Variants in KIF21A observed in about 807,000 individuals in gnomAD.
KIF21A encodes kinesin family member 21A.
A neutral mutation model predicts 202.9 loss-of-function variants in KIF21A; 114 were observed. That is an observed-to-expected ratio of 0.56 (90% CI 0.48 to 0.66). KIF21A has a LOEUF of 0.66. Ranked by LOEUF, KIF21A falls within the 30% of genes least tolerant of loss-of-function variation. The probability of loss-of-function intolerance (pLI) is 0.00; values close to 1 mark genes in which losing one functional copy is unlikely to be tolerated. For synonymous variants in KIF21A, 667 were observed against 670.8 expected (o/e 0.99, Z 0.09); for missense variants, 1,677 against 1,994.9 (o/e 0.84, Z 3.04).
chr12:39,332,624 G>T lies in KIF21A; in HGVS notation c.2823C>A (p.Ser941=). The part of the protein sequence containing the change: ...TDIIMQKMTI[S]NMEADMNRLL... Reference sequence around the variant, plus strand: ...GTCTATTCATATCTGCCTCCATGTTGGAAATGGTCATCTTCTGCATGATGA... The same window carrying T: ...GTCTATTCATATCTGCCTCCATGTTTGAAATGGTCATCTTCTGCATGATGA... Residue 941 remains serine (S), a synonymous_variant, in exon 20 of 38, where the codon TCC becomes TCA. Transcript: ENST00000361418. 1.9e-6 allele frequency: 3 copies of T among 1,613,926 alleles called. No homozygotes were observed.
At chr12:39,391,798 G>A (rs1186700832) in intron 1 of KIF21A, among the ~76,000 whole-genome samples, 1 of 152,080 alleles carries the variant, frequency 6.6e-6, no homozygotes, top group East Asian at 1.9e-4. Context: ...GGAGTGCAGT[G>A]GCATAATCTC....
In KIF21A at chr12:39,341,000, CT is replaced by C; in HGVS notation, c.2015del (p.Gln672ArgfsTer3). The C allele has an allele frequency of 1.2e-6, 2 of 1,612,882 alleles. No individual in the cohort carries two copies. The highest frequency in any genetic ancestry group is 1.7e-6 in the Non-Finnish European group (2 of 1,179,240). ...DELENSQKRL[Q>X]TLKKQYEEKL... Reference sequence around the variant, plus strand: ...TCTCTTCATACTGCTTTTTCAGAGTCTGCAGTCTTTTCTGGCTGTTTTCTAG... The same window carrying C: ...TCTCTTCATACTGCTTTTTCAGAGTCGCAGTCTTTTCTGGCTGTTTTCTAG... On this transcript the variant is annotated frameshift_variant, in exon 15 of 38. Transcript: ENST00000361418. LOFTEE classifies it high-confidence loss of function.
chr12:39,329,313 C>CA (rs1946282426), intron 24 of KIF21A, among the ~76,000 whole-genome samples: 1 of 152,134 alleles, frequency 6.6e-6, no homozygotes, highest in Admixed American at 6.6e-5. Context: ...AGTTGGAAAA[C>CA]AGAGACACTG....
intron 1 of KIF21A, among the ~76,000 whole-genome samples, chr12:39,395,490 G>A (rs1951673777): frequency 6.6e-6 from 1 of 151,948 alleles, no homozygotes; most frequent in African/African-American, 2.4e-5. Context: ...TCATTTATCT[G>A]TCTAGCTGTG....
chr12:39,396,898 T>C (rs1951797034), intron 1 of KIF21A, among the ~76,000 whole-genome samples: 2 of 152,136 alleles, frequency 1.3e-5, no homozygotes, highest in South Asian at 4.1e-4. Context: ...TACTGACACA[T>C]GCCACAACGT....
chr12:39,337,007 A>C, intron 17 of KIF21A, 89 bp downstream of exon 17: 1 of 812,964 alleles, frequency 1.2e-6, no homozygotes, highest in Non-Finnish European at 2.1e-6. Flanking sequence ...ATTAGTAGTT[A>C]TGGTTACCAG....
chr12:39,412,704 C>T (rs1953208683), intron 1 of KIF21A, among the ~76,000 whole-genome samples: 1 of 151,884 alleles, frequency 6.6e-6, no homozygotes, highest in Non-Finnish European at 1.5e-5. Flanking sequence ...GGTGACAGAG[C>T]CAGACCCTGT....
rs556447087 is a variant in KIF21A at position 39,300,675 on chromosome 12, T to C, written c.4931+805A>G. On this transcript the variant is annotated intron_variant, in intron 37 of 37. Transcript: ENST00000361418. ...ACATTATATAATACATACACTTTCC[T>C]TTTCAAAGTACATATATATATGTAC... Among the ~76,000 whole-genome samples the C allele has an allele frequency of 2.6e-3, 394 of 152,210 alleles. 3 individuals are homozygous for C. Among genetic ancestry groups the C allele is most frequent in the African/African-American group, 8.7e-3 (360 of 41,548 alleles).
At chr12:39,367,615 C>T (rs1949686516) in intron 4 of KIF21A, among the ~76,000 whole-genome samples, 1 of 152,136 alleles carries the variant, frequency 6.6e-6, no homozygotes, top group Admixed American at 6.5e-5. Context: ...ATTGTCTAAC[C>T]CTCTTTCTCT....
intron 1 of KIF21A, among the ~76,000 whole-genome samples, chr12:39,422,774 T>C (rs1311718597): frequency 1.3e-5 from 2 of 152,244 alleles, no homozygotes; most frequent in Non-Finnish European, 2.9e-5. Flanking sequence ...AATATAAAAG[T>C]GTTCATTCAA....
At chr12:39,324,639 G>GA (rs965262920) in intron 26 of KIF21A, among the ~76,000 whole-genome samples, 1 of 152,100 alleles carries the variant, frequency 6.6e-6, no homozygotes, top group Non-Finnish European at 1.5e-5. Context: ...GAATTCTCTT[G>GA]AAAAAACAAA....
Position 39,315,968 on chromosome 12 carries a change from G to C in KIF21A, c.3911C>G (p.Ser1304Cys), listed in dbSNP as rs11171717. 1 of 1,597,982 alleles carries C rather than the reference G, an allele frequency of 6.3e-7. No individual in the cohort carries two copies. Among genetic ancestry groups the C allele is most frequent in the East Asian group, 2.2e-5 (1 of 44,664 alleles). Residue 1304 changes from serine to cysteine, a missense_variant and splice_region_variant, in exon 30 of 38, where the codon TCT (serine) becomes TGT (cysteine). This residue lies in a region of KIF21A where 705 missense variants were observed against 791.9 expected (regional missense o/e 0.89). Coordinates refer to ENST00000361418, the MANE Select transcript of KIF21A (RefSeq NM_001173464.2). ...QGNTSVQQDK[S>C]DESDSSLSEV... The stretch of plus-strand genomic sequence containing the variant: ...CGAGAGAGAGGAGTCACTTTCATCA[G>C]ACCTATAGTGAAAGAGTTAGAATTA...
At chr12:39,433,591 C>A (rs1435518118) in intron 1 of KIF21A, among the ~76,000 whole-genome samples, 7 of 152,152 alleles carry the variant, frequency 4.6e-5, no homozygotes, top group Admixed American at 4.6e-4. Context: ...ACTTTAGTTA[C>A]CATTCTCTTA....
intron 33 of KIF21A, among the ~76,000 whole-genome samples, chr12:39,309,309 A>C (rs928156059): frequency 1.1e-4 from 17 of 152,104 alleles, no homozygotes; most frequent in Non-Finnish European, 2.2e-4. Context: ...GTAATACCTT[A>C]TATTTGGGAG....
At position 39,341,581 on chromosome 12, in the gene KIF21A, C is replaced by G; in HGVS notation, c.1845G>C (p.Glu615Asp). The G allele has an allele frequency of 1.9e-6, 3 of 1,589,616 alleles. No homozygotes were observed. The highest frequency in any genetic ancestry group is 2.2e-5 in the South Asian group (2 of 90,464). Reference protein sequence around the residue: ...QEVSDHEDEEEEEEEEEDDID... With the variant: ...QEVSDHEDEEDEEEEEEDDID... The stretch of plus-strand genomic sequence containing the variant: ...TGTCATCTTCCTCCTCCTCCTCCTC[C>G]TCTTCTTCATCCTCATGATCACTCA... The change falls in exon 14 of 38, where the codon GAG (glutamate) becomes GAC (aspartate). Residue 615 changes from glutamate to aspartate, a missense_variant. This residue lies in a region of KIF21A where 966 missense variants were observed against 1,180.9 expected (regional missense o/e 0.82). Coordinates refer to ENST00000361418, the MANE Select transcript of KIF21A (RefSeq NM_001173464.2).
chr12:39,351,521 A>G (rs1948378623), intron 11 of KIF21A, among the ~76,000 whole-genome samples: 1 of 152,046 alleles, frequency 6.6e-6, no homozygotes, highest in African/African-American at 2.4e-5. Flanking sequence ...AAATAATAAA[A>G]TAATTTATAA....
intron 1 of KIF21A, among the ~76,000 whole-genome samples, chr12:39,398,499 G>A (rs984251624): frequency 9.2e-5 from 14 of 152,086 alleles, no homozygotes; most frequent in African/African-American, 3.1e-4. Context: ...TACTCAGGAG[G>A]GTGAGGCAGG....
rs559317874 is a variant in KIF21A at position 39,416,791 on chromosome 12, A to G, written c.44+26136T>C. Among the ~76,000 whole-genome samples, 254 of 124,936 alleles carry G rather than the reference A, an allele frequency of 2.0e-3. 6 individuals carry two copies. The highest frequency in any genetic ancestry group is 3.9e-3 in the Middle Eastern group (1 of 258). The allele number at this position is 124,936 out of a possible 152,430, so 82.0% of individuals were successfully genotyped here. On this transcript the variant is annotated intron_variant, in intron 1 of 37. Transcript: ENST00000361418. ...TATATATATGTACATATATATGTGT[A>G]TATATATGTACATATATATGTGTGT...
chr12:39,400,898 C>G lies in KIF21A; in HGVS notation c.45-30637G>C, dbSNP rs574709479. ...TAAAGCAGAAAATGACCAATTATAC[C>G]AAAGGAGAAAACCATCTTCTGCTCA... On this transcript the variant is annotated intron_variant, in intron 1 of 37. Transcript: ENST00000361418. 3.3e-5 allele frequency among the ~76,000 whole-genome samples: 5 copies of G among 152,158 alleles called. No individual in the cohort carries two copies. The South Asian group carries it at 1.0e-3, about 32-fold the overall frequency.
Sources: gnomAD v4.1 joint callset for allele counts (sites outside exome capture counted in the v4.1 genomes callset) on GRCh38, gnomAD v4.1.1 for gene constraint, gnomAD v4.1.1 regional missense constraint, MANE v1.5 for transcripts, NCBI Gene and HGNC (gene_info 2026-07-23, HGNC 2026-07-21) for gene names.